Variants in KCNB2 observed in about 807,000 individuals in gnomAD.
KCNB2 encodes the protein delayed rectifier potassium channel protein.
In KCNB2, 15 loss-of-function variants were observed where a neutral mutation model predicts 61.5. The observed-to-expected ratio is 0.24, with a 90% CI of 0.16 to 0.38. The LOEUF (loss-of-function observed/expected upper bound fraction) is 0.38, where lower values mean the gene tolerates loss of function less well. Ranked by LOEUF, KCNB2 falls within the 10% of genes least tolerant of loss-of-function variation. The pLI, the probability that KCNB2 is intolerant of heterozygous loss-of-function variation, is 1.00. For synonymous variants in KCNB2, 457 were observed against 446.0 expected, an observed-to-expected ratio of 1.02 and a Z score of -0.31; for missense variants, 828 against 1,125.2, an observed-to-expected ratio of 0.74 and a Z score of 3.78.
chr8:72,738,316 G>A (rs1052268491), intron 2 of KCNB2, among the ~76,000 whole-genome samples: 1 of 141,542 alleles, frequency 7.1e-6, no homozygotes, highest in African/African-American at 2.7e-5. Context: ...TTAGAAGTTT[G>A]TGCCGACCTT....
chr8:72,693,785 A>T (rs1312476302), intron 2 of KCNB2, among the ~76,000 whole-genome samples: 1 of 152,180 alleles, frequency 6.6e-6, no homozygotes, highest in East Asian at 1.9e-4. Flanking sequence ...GATGGGAGAG[A>T]GTACCAATAT....
At chr8:72,782,794 C>T (rs572196876) in intron 2 of KCNB2, among the ~76,000 whole-genome samples, 1 of 152,106 alleles carries the variant, frequency 6.6e-6, no homozygotes, top group Non-Finnish European at 1.5e-5. Context: ...TTTCTGTTGA[C>T]CTTGGCAGAG....
intron 2 of KCNB2, among the ~76,000 whole-genome samples, chr8:72,846,982 C>T (rs912054963): frequency 2.0e-5 from 3 of 152,164 alleles, no homozygotes; most frequent in Non-Finnish European, 4.4e-5. Flanking sequence ...GCACTATTCA[C>T]AATAGCAAAG....
At chr8:72,743,403 G>A (rs889695173) in intron 2 of KCNB2, among the ~76,000 whole-genome samples, 3 of 152,174 alleles carry the variant, frequency 2.0e-5, no homozygotes, top group Non-Finnish European at 4.4e-5. Context: ...CCTAGTATAC[G>A]TTGAGTGTGT....
intron 2 of KCNB2, among the ~76,000 whole-genome samples, chr8:72,928,721 T>TA (rs1667274229): frequency 6.7e-6 from 1 of 149,988 alleles, no homozygotes; most frequent in South Asian, 2.1e-4. Flanking sequence ...CACAGTTTTA[T>TA]AAAAAACATA....
At chr8:72,838,134 C>G (rs1027477127) in intron 2 of KCNB2, among the ~76,000 whole-genome samples, 13 of 151,962 alleles carry the variant, frequency 8.6e-5, no homozygotes, top group African/African-American at 3.1e-4. Flanking sequence ...TTTTATTATA[C>G]TTTAAGTTAT....
intron 2 of KCNB2, among the ~76,000 whole-genome samples, chr8:72,886,300 T>C (rs1805805925): frequency 6.6e-6 from 1 of 152,178 alleles, no homozygotes; most frequent in African/African-American, 2.4e-5. Flanking sequence ...GATTTGTTTC[T>C]CTCAAAGCCC....
chr8:72,767,514 A>G (rs534687181), intron 2 of KCNB2, among the ~76,000 whole-genome samples: 3 of 151,158 alleles, frequency 2.0e-5, no homozygotes, highest in African/African-American at 4.9e-5. Context: ...TTCACTCAGT[A>G]TAATGTTTTT....
chr8:72,638,219 T>C (rs1052611936), intron 2 of KCNB2, among the ~76,000 whole-genome samples: 1 of 152,096 alleles, frequency 6.6e-6, no homozygotes, highest in Non-Finnish European at 1.5e-5. Flanking sequence ...TTGAAATGGG[T>C]CAGGACCTAT....
intron 2 of KCNB2, among the ~76,000 whole-genome samples, chr8:72,634,681 T>A (rs1805937042): frequency 1.3e-5 from 2 of 152,174 alleles, no homozygotes. Context: ...AGAACAACCA[T>A]GAAGAATGCC....
chr8:72,776,353 A>G (rs1312330887), intron 2 of KCNB2, among the ~76,000 whole-genome samples: 2 of 152,190 alleles, frequency 1.3e-5, no homozygotes. Context: ...ATACATATGT[A>G]ACAAACCTGC....
In KCNB2 at chr8:72,733,103, G is replaced by GGAA. The variant is rs1807778439; in HGVS notation, c.579+164791_579+164792insAAG. On this transcript the variant is annotated intron_variant, in intron 2 of 2. Transcript: ENST00000523207. ...TATGGAAGAAAGTAGAACAGAAGGA[G>GGAA]GGAAGGTCATACAAACGTGAAGGTT... 2.3e-4 allele frequency among the ~76,000 whole-genome samples: 35 copies of GGAA among 152,044 alleles called. No homozygotes were observed. In the South Asian group the frequency reaches 6.6e-3, roughly 29 times the overall value.
intron 2 of KCNB2, among the ~76,000 whole-genome samples, chr8:72,619,910 G>A (rs1805689148): frequency 6.6e-6 from 1 of 152,070 alleles, no homozygotes; most frequent in Non-Finnish European, 1.5e-5. Context: ...TATCCAATAT[G>A]GTAACTACTG....
chr8:72,799,532 A>G (rs990716590), intron 2 of KCNB2, among the ~76,000 whole-genome samples: 13 of 152,168 alleles, frequency 8.5e-5, no homozygotes, highest in African/African-American at 3.1e-4. Flanking sequence ...AAATTTCCTT[A>G]GCACTTTTCT....
At chr8:72,801,464 G>A (rs1249221491) in intron 2 of KCNB2, among the ~76,000 whole-genome samples, 1 of 152,164 alleles carries the variant, frequency 6.6e-6, no homozygotes, top group Non-Finnish European at 1.5e-5. Context: ...ATAGCAAGAT[G>A]CTTTACTTTT....
chr8:72,907,141 G>A (rs886717603), intron 2 of KCNB2, among the ~76,000 whole-genome samples: 1 of 152,068 alleles, frequency 6.6e-6, no homozygotes, highest in Non-Finnish European at 1.5e-5. Flanking sequence ...GGTGGATCAC[G>A]AGGTCAAGAG....
chr8:72,820,881 A>G (rs1384432716), intron 2 of KCNB2, among the ~76,000 whole-genome samples: 1 of 152,256 alleles, frequency 6.6e-6, no homozygotes, highest in East Asian at 1.9e-4. Context: ...TCTTCTGAAC[A>G]TTCTTTCTTT....
intron 1 of KCNB2, among the ~76,000 whole-genome samples, chr8:72,542,986 G>A (rs1346064127): frequency 1.3e-5 from 2 of 152,140 alleles, no homozygotes; most frequent in African/African-American, 2.4e-5. Flanking sequence ...AGAGTGGGAT[G>A]GCAATTCAAC....
At chr8:72,732,409 T>C (rs1461153807) in intron 2 of KCNB2, among the ~76,000 whole-genome samples, 1 of 152,244 alleles carries the variant, frequency 6.6e-6, no homozygotes, top group African/African-American at 2.4e-5. Flanking sequence ...CTGACTCTGC[T>C]GCTGAGAGGC....
Sources: allele counts gnomAD v4.1 joint callset (sites outside exome capture counted in the v4.1 genomes callset), GRCh38; gene constraint gnomAD v4.1.1; transcripts MANE v1.5; gene names NCBI Gene and HGNC (gene_info 2026-07-23, HGNC 2026-07-21).